The following ADAMTS12 variants were observed in gnomAD, a reference collection of about 807,000 sequenced individuals.
ADAMTS12 encodes ADAM metallopeptidase with thrombospondin type 1 motif 12.
ADAMTS12 carries 118 observed loss-of-function variants against 167.8 expected under a neutral mutation model. That is an observed-to-expected ratio of 0.70 (90% CI 0.61 to 0.82). The LOEUF is 0.82. ADAMTS12 is among the 40% of genes least tolerant of loss of function. The pLI, the probability that ADAMTS12 is intolerant of heterozygous loss-of-function variation, is 0.00. For synonymous variants in ADAMTS12, 704 were observed against 716.9 expected, an observed-to-expected ratio of 0.98 and a Z score of 0.29; for missense variants, 1,916 against 1,998.8, an observed-to-expected ratio of 0.96 and a Z score of 0.79.
At chr5:33,817,615 ACCACAT>A (rs1443598558) in intron 2 of ADAMTS12, among the ~76,000 whole-genome samples, 3 of 152,018 alleles carry the variant, frequency 2.0e-5, no homozygotes, top group Non-Finnish European at 2.9e-5. Context: ...CTTCCCCCAA[ACCACAT>A]CCTGGATTAT....
chr5:33,545,820 T>G (rs559935745), intron 22 of ADAMTS12, among the ~76,000 whole-genome samples: 1 of 144,186 alleles, frequency 6.9e-6, no homozygotes, highest in East Asian at 2.0e-4. Context: ...ATGAGAACCC[T>G]TGGACACAGG....
intron 2 of ADAMTS12, among the ~76,000 whole-genome samples, chr5:33,865,274 C>T (rs1749776148): frequency 1.3e-5 from 2 of 152,058 alleles, no homozygotes; most frequent in Admixed American, 1.3e-4. Flanking sequence ...AAAGATAATA[C>T]ACCATGATCA....
intron 20 of ADAMTS12, among the ~76,000 whole-genome samples, chr5:33,555,352 C>T (rs940057926): frequency 3.9e-5 from 6 of 152,088 alleles, no homozygotes; most frequent in Non-Finnish European, 5.9e-5. Flanking sequence ...TCAAGTGATC[C>T]GTCCACCTCA....
chr5:33,821,873 C>A (rs1747883131), intron 2 of ADAMTS12, among the ~76,000 whole-genome samples: 1 of 152,150 alleles, frequency 6.6e-6, no homozygotes, highest in Admixed American at 6.6e-5. Context: ...CCAACCAAGT[C>A]ACTGATTACT....
chr5:33,545,924 TG>T, intron 22 of ADAMTS12, 134 bp downstream of exon 22: 1 of 1,023,212 alleles, frequency 9.8e-7, no homozygotes, highest in Non-Finnish European at 1.4e-6. Context: ...GATGAGTTGA[TG>T]GGTGCAGCAA....
chr5:33,867,434 G>GT, intron 2 of ADAMTS12, among the ~76,000 whole-genome samples: 1 of 152,208 alleles, frequency 6.6e-6, no homozygotes, highest in Admixed American at 6.5e-5. Context: ...ATATGGAGTG[G>GT]TATCATGGAC....
At chr5:33,673,480 T>C (rs1190123581) in intron 5 of ADAMTS12, among the ~76,000 whole-genome samples, 2 of 152,118 alleles carry the variant, frequency 1.3e-5, no homozygotes, top group African/African-American at 4.8e-5. Context: ...GCCAGTGTCT[T>C]GTTATCCCCC....
chr5:33,675,782 T>C (rs1741880314), intron 5 of ADAMTS12, among the ~76,000 whole-genome samples: 1 of 152,154 alleles, frequency 6.6e-6, no homozygotes. Context: ...AGGGGTTAAG[T>C]CCAAGAAACA....
intron 2 of ADAMTS12, among the ~76,000 whole-genome samples, chr5:33,862,015 A>G (rs1046633278): frequency 1.3e-5 from 2 of 152,240 alleles, no homozygotes; most frequent in African/African-American, 2.4e-5. Context: ...AATCTCTGGG[A>G]CACAGCTAAA....
At chr5:33,584,331 T>C (rs1747224789) in intron 18 of ADAMTS12, among the ~76,000 whole-genome samples, 7 of 152,114 alleles carry the variant, frequency 4.6e-5, no homozygotes, top group Admixed American at 3.3e-4. Context: ...TTTTGCAGGG[T>C]CCTTTTGTTT....
rs529772999 is a variant in ADAMTS12 at position 33,778,428 on chromosome 5, C to T, written c.490-26880G>A. 2.0e-5 allele frequency among the ~76,000 whole-genome samples: 3 copies of T among 151,932 alleles called. No homozygotes were observed. In the East Asian group the frequency reaches 5.8e-4, roughly 29 times the overall value. On this transcript the variant is annotated intron_variant, in intron 2 of 23. Transcript: ENST00000504830. ...AAGAATGCATACAACAGGGTAAAGA[C>T]AGTCTCTTCAATAAATGGTGTTGGG...
At chr5:33,777,432 T>C (rs774352618) in intron 2 of ADAMTS12, among the ~76,000 whole-genome samples, 2 of 152,104 alleles carry the variant, frequency 1.3e-5, no homozygotes, top group African/African-American at 4.8e-5. Context: ...ACAAAAATCA[T>C]ATGATCAGCT....
At chr5:33,604,547 C>G (rs13172981) in intron 16 of ADAMTS12, among the ~76,000 whole-genome samples, 86,518 of 148,882 alleles carry the variant, frequency 0.58, 25,625 homozygotes, top group East Asian at 0.82. Context: ...AACAACCCCC[C>G]ACCACCCCCC....
At chr5:33,862,120 TA>T (rs958030662) in intron 2 of ADAMTS12, among the ~76,000 whole-genome samples, 2 of 151,896 alleles carry the variant, frequency 1.3e-5, no homozygotes, top group African/African-American at 4.8e-5. Context: ...TTAAAAGAAC[TA>T]GAGAAGCAAG....
chr5:33,727,981 A>G (rs1019921083), intron 3 of ADAMTS12, among the ~76,000 whole-genome samples: 1 of 152,212 alleles, frequency 6.6e-6, no homozygotes, highest in Non-Finnish European at 1.5e-5. Context: ...CTCAATAGAT[A>G]CCTGCAGATT....
At chr5:33,716,420 T>G (rs767314378) in intron 3 of ADAMTS12, among the ~76,000 whole-genome samples, 4 of 152,172 alleles carry the variant, frequency 2.6e-5, no homozygotes, top group Non-Finnish European at 5.9e-5. Flanking sequence ...CTAAAACTTA[T>G]GGTTTTATTG....
At chr5:33,591,534 C>T (rs1347501014) in intron 17 of ADAMTS12, among the ~76,000 whole-genome samples, 1 of 152,174 alleles carries the variant, frequency 6.6e-6, no homozygotes, top group Non-Finnish European at 1.5e-5. Context: ...TCTGACAAAA[C>T]CATGACTACA....
At chr5:33,822,711 G>A (rs921884179) in intron 2 of ADAMTS12, among the ~76,000 whole-genome samples, 1 of 151,902 alleles carries the variant, frequency 6.6e-6, no homozygotes, top group Non-Finnish European at 1.5e-5. Flanking sequence ...GTATTTAAAA[G>A]GAGTACTCTT....
At chr5:33,728,882 T>C (rs1030430420) in intron 3 of ADAMTS12, among the ~76,000 whole-genome samples, 2 of 152,258 alleles carry the variant, frequency 1.3e-5, no homozygotes, top group Non-Finnish European at 2.9e-5. Context: ...CAAAGTAGCA[T>C]GTATCATATG....
Sources: gnomAD v4.1 joint callset for allele counts (sites outside exome capture counted in the v4.1 genomes callset) on GRCh38, gnomAD v4.1.1 for gene constraint, MANE v1.5 for transcripts, NCBI Gene and HGNC (gene_info 2026-07-23, HGNC 2026-07-21) for gene names.